Variants in DST observed in about 807,000 individuals in gnomAD.
The protein encoded by DST is bullous pemphigoid antigen.
A neutral mutation model predicts 875.2 loss-of-function variants in DST; 253 were observed. The ratio of observed to expected loss-of-function variants is 0.29; its 90% CI spans 0.26 to 0.32. The LOEUF (loss-of-function observed/expected upper bound fraction) is 0.32, where lower values mean the gene tolerates loss of function less well. Ranked by LOEUF, DST falls within the 10% of genes least tolerant of loss-of-function variation. The probability of loss-of-function intolerance (pLI) is 1.00; values close to 1 mark genes in which losing one functional copy is unlikely to be tolerated. For synonymous variants in DST, 3,124 were observed against 3,197.1 expected, an observed-to-expected ratio of 0.98 and a Z score of 0.77; for missense variants, 8,287 against 9,111.6, an observed-to-expected ratio of 0.91 and a Z score of 3.68.
At chr6:56,460,924 A>G (rs930872180) in intron 102 of DST, 1 of 152,184 alleles carries the variant, frequency 6.6e-6, no homozygotes, top group Non-Finnish European at 1.5e-5. Context: ...GTTTGTAGAG[A>G]ATGTCTAAAA....
intron 37 of DST, 85 bp downstream of exon 37, chr6:56,614,271 T>A: frequency 3.9e-6 from 5 of 1,267,792 alleles, no homozygotes; most frequent in Non-Finnish European, 4.2e-6. Flanking sequence ...AGGTAAAAAT[T>A]AAACATTGTG....
intron 10 of DST, among the ~76,000 whole-genome samples, chr6:56,663,526 T>C (rs571087046): frequency 1.8e-4 from 28 of 152,200 alleles, no homozygotes; most frequent in Admixed American, 2.6e-4. Flanking sequence ...CAACTTCCTA[T>C]GGGAACATTT....
At chr6:56,663,122 A>G (rs1004096831) in intron 10 of DST, among the ~76,000 whole-genome samples, 6 of 152,244 alleles carry the variant, frequency 3.9e-5, no homozygotes, top group Non-Finnish European at 8.8e-5. Flanking sequence ...GCCAAATTAC[A>G]TCTCCCAAAC....
chr6:56,500,611 T>C (rs550982576), intron 80 of DST, among the ~76,000 whole-genome samples: 1 of 152,122 alleles, frequency 6.6e-6, no homozygotes, highest in East Asian at 1.9e-4. Flanking sequence ...GATAAAAATA[T>C]GTCAGAAATG....
intron 36 of DST, among the ~76,000 whole-genome samples, chr6:56,617,671 T>C (rs1359501594): frequency 6.6e-6 from 1 of 152,208 alleles, no homozygotes; most frequent in African/African-American, 2.4e-5. Context: ...CCACAGAATA[T>C]GTTAGAAGTT....
rs150205974 is a variant in DST, at chr6:56,476,913, C to T, written c.21675+432G>A. Among the ~76,000 whole-genome samples the T allele has an allele frequency of 8.3e-3, 1,256 of 152,128 alleles. 10 individuals are homozygous for T. Among genetic ancestry groups the T allele is most frequent in the Middle Eastern group, 0.017 (5 of 294 alleles). ...GTTGCAGTGAGCCGAGATCCAGCTA[C>T]TGCACTCCAGCCTGGGCAATAAATC... On this transcript the variant is annotated intron_variant, in intron 91 of 103. Transcript: ENST00000680361.
intron 3 of DST, among the ~76,000 whole-genome samples, chr6:56,889,787 T>C (rs755772510): frequency 7.9e-5 from 12 of 152,188 alleles, no homozygotes; most frequent in Admixed American, 1.3e-4. Flanking sequence ...AACAGGTTCA[T>C]GTGAGCAGGC....
rs541039943 is a variant in DST, at chr6:56,936,932, C to T, written c.216+16853G>A. On this transcript the variant is annotated intron_variant, in intron 2 of 103. Coordinates refer to ENST00000680361, the MANE Select transcript of DST (RefSeq NM_001374736.1). ...GGAATTAACAACTTAAAATTATCTTCCCACAGAGAAAACACCAGCTCCAAA... is the reference window on the plus strand; with the variant it reads ...GGAATTAACAACTTAAAATTATCTTTCCACAGAGAAAACACCAGCTCCAAA... Among the ~76,000 whole-genome samples, 3 of 152,010 alleles carry T rather than the reference C, an allele frequency of 2.0e-5. No individual in the cohort carries two copies. The South Asian group carries it at 6.3e-4, about 32-fold the overall frequency.
intron 16 of DST, 96 bp downstream of exon 16, chr6:56,642,314 C>T (rs747987800): frequency 3.7e-5 from 36 of 986,228 alleles, no homozygotes; most frequent in Admixed American, 3.2e-4. Flanking sequence ...GAGAGTATTA[C>T]GAAGAATCAA....
At chr6:56,701,712 T>C (rs548717638) in intron 8 of DST, among the ~76,000 whole-genome samples, 176 bp downstream of exon 8, 5 of 152,318 alleles carry the variant, frequency 3.3e-5, no homozygotes, top group Non-Finnish European at 5.9e-5. Context: ...TACTATTAAC[T>C]TCTTTTCTTG....
intron 4 of DST, chr6:56,843,713 G>A (rs1168771762): frequency 2.7e-6 from 1 of 363,638 alleles, no homozygotes; most frequent in Non-Finnish European, 3.8e-6. Context: ...GGAGGAGGGT[G>A]GAGGGTGGAG....
In DST at chr6:56,714,905, T is replaced by TTA. The variant is rs2099389679; in HGVS notation, c.688-10538_688-10537dup. ...CTTCTGCACTCCCATATTCTTTGGA[T>TTA]TATACCAGTACACCAATCATCATTT... On this transcript the variant is annotated intron_variant, in intron 5 of 103. Coordinates refer to ENST00000680361, the MANE Select transcript of DST (RefSeq NM_001374736.1). This position sits in a 1 kb window ranked among gnomAD's most constrained non-coding sequence, Gnocchi z 4.5. Among the ~76,000 whole-genome samples the TTA allele has an allele frequency of 6.6e-6, 1 of 152,340 alleles. No homozygotes were observed.
chr6:56,933,993 T>A (rs17758527), intron 2 of DST, among the ~76,000 whole-genome samples: 7,814 of 152,212 alleles, frequency 0.051, 333 homozygotes, highest in East Asian at 0.16. Context: ...GCTTTTACAT[T>A]TGTCACTATT....
intron 2 of DST, among the ~76,000 whole-genome samples, chr6:56,930,021 G>C (rs548302631): frequency 2.0e-5 from 3 of 152,242 alleles, no homozygotes; most frequent in Non-Finnish European, 2.9e-5. Context: ...GTTTCTGACA[G>C]AAGCTCCTCT....
intron 3 of DST, among the ~76,000 whole-genome samples, chr6:56,898,124 C>T (rs904892316): frequency 5.3e-5 from 8 of 152,200 alleles, no homozygotes; most frequent in Admixed American, 3.9e-4. Flanking sequence ...TTTGAACCCA[C>T]GTGAGTCTTA....
chr6:56,700,612 T>A (rs1425464177), intron 8 of DST, among the ~76,000 whole-genome samples: 1 of 152,136 alleles, frequency 6.6e-6, no homozygotes, highest in Non-Finnish European at 1.5e-5. Context: ...TACTCAGACT[T>A]AAAGCTTATC....
At chr6:56,839,520 T>C (rs1205032689) in intron 4 of DST, among the ~76,000 whole-genome samples, 1 of 152,208 alleles carries the variant, frequency 6.6e-6, no homozygotes, top group Non-Finnish European at 1.5e-5. Flanking sequence ...GAACAGAGCA[T>C]GAGCAGAAGA....
In DST at chr6:56,592,451, G is replaced by GA. The variant is rs199510493; in HGVS notation, c.12727-94dup. 10,668 of 1,052,372 alleles carry GA rather than the reference G, an allele frequency of 0.01. 78 individuals carry two copies. The highest frequency in any genetic ancestry group is 0.014 in the Middle Eastern group (50 of 3,504). The allele number at this position is 1,052,372 out of a possible 1,614,324, so 65.2% of individuals were successfully genotyped here. On this transcript the variant is annotated intron_variant, in intron 48 of 103. Transcript: ENST00000680361. ...TAGGACCTATAAAATATGTAACTTG[G>GA]AAAAAAAACCAGACTTCCACCAAAG...
chr6:56,611,512 C>T lies in DST; in HGVS notation c.5143G>A (p.Asp1715Asn). 6.2e-7 allele frequency: 1 copy of T among 1,608,120 alleles called. No homozygotes were observed. Among genetic ancestry groups the T allele is most frequent in the South Asian group, 1.1e-5 (1 of 90,632 alleles). The stretch of plus-strand genomic sequence containing the variant: ...AGCTAACTACAACCAACATACTTGT[C>T]TCCATGTTTTGCCAAAAAAAGCTGT... ...TIQLFLAKHG[D>N]KMTDEERNEL... Residue 1715 changes from aspartate to asparagine, a missense_variant, in exon 38 of 104, where the codon GAC (aspartate) becomes AAC (asparagine). Asp to Asn is a conservative substitution (Grantham distance 23, BLOSUM62 1). Around this residue, in one of 10 missense-constraint regions of DST, gnomAD observed 3,138 missense variants for 3,116.6 expected, o/e 1.01. Coordinates refer to ENST00000680361, the MANE Select transcript of DST (RefSeq NM_001374736.1).
Sources: allele counts gnomAD v4.1 joint callset (sites outside exome capture counted in the v4.1 genomes callset), GRCh38; gene constraint gnomAD v4.1.1; regional missense constraint gnomAD v4.1.1; non-coding constraint Gnocchi (gnomAD v3.1); transcripts MANE v1.5; gene names NCBI Gene and HGNC (gene_info 2026-07-23, HGNC 2026-07-21).